The following RTKN2 variants were observed in gnomAD, a reference collection of about 807,000 sequenced individuals.
RTKN2 encodes rhotekin-2.
A neutral mutation model predicts 71.5 loss-of-function variants in RTKN2; 69 were observed. The observed-to-expected ratio is 0.96, with a 90% confidence interval of 0.79 to 1.18. The LOEUF (loss-of-function observed/expected upper bound fraction) is 1.18. Among genes scored for constraint, RTKN2 ranks in the 50% most tolerant of loss-of-function variants. The pLI, the probability that RTKN2 is intolerant of heterozygous loss-of-function variation, is 0.00. For synonymous variants in RTKN2, 236 were observed against 236.5 expected, an observed-to-expected ratio of 1.00 and a Z score of 0.02; for missense variants, 724 against 719.7, an observed-to-expected ratio of 1.01 and a Z score of -0.07.
intron 7 of RTKN2, among the ~76,000 whole-genome samples, chr10:62,218,713 T>C (rs556278142): frequency 6.6e-6 from 1 of 152,342 alleles, no homozygotes; most frequent in African/African-American, 2.4e-5. Context: ...ATTAGAAAAG[T>C]GATCCTCTGA....
At position 62,241,158 on chromosome 10, in the gene RTKN2, G is replaced by A; in HGVS notation, c.354C>T (p.His118=). The A allele has an allele frequency of 6.4e-7, 1 of 1,552,544 alleles. No homozygotes were observed. The change falls in exon 4 of 12, where the codon CAC becomes CAT. Residue 118 remains histidine (H), a synonymous_variant. Coordinates refer to ENST00000373789, the MANE Select transcript of RTKN2 (RefSeq NM_145307.4). ...RIPLMWKDSD[H]FSNKERSRRY... is the part of the protein sequence containing the mutation. The stretch of plus-strand genomic sequence containing the variant: ...CATACATACGTTCTTTATTGCTGAA[G>A]TGATCAGAGTCTTTCCACATTAGTG...
rs1211666876 is a variant in RTKN2 at position 62,197,618 on chromosome 10, T to C, written c.*290A>G. On this transcript the variant is annotated 3_prime_UTR_variant, in exon 12 of 12. Transcript: ENST00000373789. Reference sequence around the variant, plus strand: ...TTAATGCTTTATTCTGCCTAGGGCTTATTCACTGCCTGGTACTAATTCAGG... The same window carrying C: ...TTAATGCTTTATTCTGCCTAGGGCTCATTCACTGCCTGGTACTAATTCAGG... 7.7e-6 allele frequency: 9 copies of C among 1,169,788 alleles called. No homozygotes were observed. The highest frequency in any genetic ancestry group is 9.5e-6 in the Non-Finnish European group (9 of 947,162). 72.5% of individuals were successfully genotyped at this position (1,169,788 alleles called of 1,614,324 possible). A position where few individuals can be genotyped will look rare whatever the true frequency, so the allele number is the denominator to read the frequency against.
At position 62,246,557 on chromosome 10, in the gene RTKN2, T is replaced by C. The variant is rs1842482146; in HGVS notation, c.258-500A>G. Among the ~76,000 whole-genome samples the C allele has an allele frequency of 2.0e-5, 3 of 152,028 alleles. No individual in the cohort carries two copies. The South Asian group carries it at 6.2e-4, about 31-fold the overall frequency. ...CTCTGCTGTATAATCATATTTAATA[T>C]CATATTTAATTTCCCCAAGATTCCA... On this transcript the variant is annotated intron_variant, in intron 2 of 11. Coordinates refer to ENST00000373789, the MANE Select transcript of RTKN2 (RefSeq NM_145307.4).
chr10:62,184,148 T>C (rs1182960180), exon 9 of RTKN2: 1 of 501,914 alleles, frequency 2.0e-6, no homozygotes, highest in Admixed American at 4.0e-5. Flanking sequence ...GTTTACTCAA[T>C]GACTCTTAAA....
chr10:62,213,881 A>G (rs181279591), intron 9 of RTKN2, among the ~76,000 whole-genome samples: 1 of 152,214 alleles, frequency 6.6e-6, no homozygotes, highest in Admixed American at 6.5e-5. Flanking sequence ...TTTAAAAGGA[A>G]AAATAATTAT....
Position 62,195,648 on chromosome 10 carries a change from A to ACC in RTKN2, c.*2259_*2260insGG. On this transcript the variant is annotated 3_prime_UTR_variant, in exon 12 of 12. Coordinates refer to ENST00000373789, the MANE Select transcript of RTKN2 (RefSeq NM_145307.4). ...GAAGGAAGGAAGGAAGGAAGGAAGG[A>ACC]AGGAAGGAAGGAAGGAAGGAAGGAA... 2.1e-4 allele frequency: 148 copies of ACC among 717,518 alleles called. No homozygotes were observed. The highest frequency in any genetic ancestry group is 9.0e-4 in the South Asian group (11 of 12,280). 44.4% of individuals were successfully genotyped at this position (717,518 alleles called of 1,614,324 possible). A position where few individuals can be genotyped will look rare whatever the true frequency, so the allele number is the denominator to read the frequency against.
At chr10:62,190,358 T>G (rs1278031371), downstream of RTKN2, among the ~76,000 whole-genome samples, 1 of 152,206 alleles carries the variant, frequency 6.6e-6, no homozygotes, top group Non-Finnish European at 1.5e-5. Flanking sequence ...ACTGGGAGAC[T>G]GTGAGCAAGT....
chr10:62,242,816 G>T (rs1226414982), intron 3 of RTKN2, among the ~76,000 whole-genome samples: 1 of 151,790 alleles, frequency 6.6e-6, no homozygotes, highest in East Asian at 1.9e-4. Context: ...TTTCAGTAGA[G>T]ACAAGGGGTT....
intron 9 of RTKN2, 55 bp downstream of exon 9, chr10:62,217,063 C>A: frequency 7.2e-7 from 1 of 1,383,476 alleles, no homozygotes; most frequent in Non-Finnish European, 9.6e-7. Context: ...ACTGCACAGA[C>A]AAAAACAAAC....
chr10:62,259,010 T>C (rs767298392), intron 2 of RTKN2, among the ~76,000 whole-genome samples: 10 of 152,168 alleles, frequency 6.6e-5, no homozygotes, highest in Non-Finnish European at 1.2e-4. Context: ...AATCTCATCT[T>C]GAATTGCAGC....
At chr10:62,218,370 T>A in intron 7 of RTKN2, 69 bp from the exon 8 acceptor site, 1 of 1,051,534 alleles carries the variant, frequency 9.5e-7, no homozygotes, top group East Asian at 2.6e-5. Flanking sequence ...CATCATACAT[T>A]TTGATTTTTC....
chr10:62,196,586 G>A lies in RTKN2; in HGVS notation c.*1322C>T. The A allele has an allele frequency of 2.0e-6, 2 of 985,146 alleles. No homozygotes were observed. 61.0% of individuals were successfully genotyped at this position (985,146 alleles called of 1,614,324 possible). A position where few individuals can be genotyped will look rare whatever the true frequency, so the allele number is the denominator to read the frequency against. On this transcript the variant is annotated 3_prime_UTR_variant, in exon 12 of 12. Coordinates refer to ENST00000373789, the MANE Select transcript of RTKN2 (RefSeq NM_145307.4). ...TTTTGTTTTGTAATAATGTAGTTCT[G>A]ATCCAAATAGAGTTCTTGCTAGCTT...
At chr10:62,233,578 A>G (rs1037360016) in intron 6 of RTKN2, among the ~76,000 whole-genome samples, 9 of 152,184 alleles carry the variant, frequency 5.9e-5, no homozygotes, top group African/African-American at 2.2e-4. Context: ...ACAGCATTAA[A>G]AAAAACTGAA....
At chr10:62,213,103 G>A (rs1841695669) in intron 9 of RTKN2, among the ~76,000 whole-genome samples, 1 of 152,146 alleles carries the variant, frequency 6.6e-6, no homozygotes, top group African/African-American at 2.4e-5. Context: ...CAAAAGGAAG[G>A]ACATATGTAG....
intron 6 of RTKN2, among the ~76,000 whole-genome samples, chr10:62,231,494 C>T (rs1166790133): frequency 1.3e-5 from 2 of 152,152 alleles, no homozygotes; most frequent in Admixed American, 1.3e-4. Context: ...AACTACAATG[C>T]CAGTGCTTCC....
At position 62,199,788 on chromosome 10, in the gene RTKN2, C is replaced by A. The variant is rs2132802620; in HGVS notation, c.1260G>T (p.Leu420Phe). ...IMSPRKPPLF[L>F]TKEATSVYHD... Reference sequence around the variant, plus strand: ...GGTAGACTGAGGTTGCCTCTTTTGTCAAGAACAAAGGTGGTTTCCGTGGTG... The same window carrying A: ...GGTAGACTGAGGTTGCCTCTTTTGTAAAGAACAAAGGTGGTTTCCGTGGTG... Residue 420 changes from leucine (L) to phenylalanine (F), a missense_variant, in exon 11 of 12, where the codon TTG becomes TTT. By Grantham distance (22) the Leu-to-Phe change is conservative. Coordinates refer to ENST00000373789, the MANE Select transcript of RTKN2 (RefSeq NM_145307.4). 1.2e-6 allele frequency: 2 copies of A among 1,613,474 alleles called. No homozygotes were observed. The highest frequency in any genetic ancestry group is 1.1e-5 in the South Asian group (1 of 91,040).
In RTKN2 at chr10:62,193,995, C is replaced by T. The variant is rs1485387761; in HGVS notation, c.*3913G>A. The T allele has an allele frequency of 5.1e-6, 5 of 984,924 alleles. No homozygotes were observed. The highest frequency in any genetic ancestry group is 3.5e-5 in the African/African-American group (2 of 57,174). 61.0% of individuals were successfully genotyped at this position (984,924 alleles called of 1,614,324 possible). On this transcript the variant is annotated 3_prime_UTR_variant, in exon 12 of 12. Coordinates refer to ENST00000373789, the MANE Select transcript of RTKN2 (RefSeq NM_145307.4). ...CACTTAAAGAGAAAAAGTTAGAAAA[C>T]GTCTTCATGAATCAGTTCTTTTAAT...
chr10:62,210,489 T>C (rs1294834158), intron 9 of RTKN2, among the ~76,000 whole-genome samples: 2 of 152,184 alleles, frequency 1.3e-5, no homozygotes, highest in African/African-American at 4.8e-5. Context: ...CAGTCTATTA[T>C]TAATGCCTCT....
chr10:62,198,399 G>A lies in RTKN2; in HGVS notation c.1339C>T (p.Gln447Ter), dbSNP rs982745684. 3.8e-6 allele frequency: 6 copies of A among 1,574,362 alleles called. No individual in the cohort carries two copies. Among genetic ancestry groups the A allele is most frequent in the Non-Finnish European group, 1.7e-6 (2 of 1,162,570 alleles). The change falls in exon 12 of 12, where the codon CAA becomes TAA. Residue 447 changes from glutamine to a stop codon, truncating the protein, a stop_gained. Coordinates refer to ENST00000373789, the MANE Select transcript of RTKN2 (RefSeq NM_145307.4). LOFTEE classifies it high-confidence loss of function. ...CCATTTGTCTCTTCAATTTTTTTTT[G>A]TATTATATCCGTTAAACTTTCAAGT... ...MKLESLTDII[Q>*]KKIEETNGQF...
Sources: gnomAD v4.1 joint callset for allele counts (sites outside exome capture counted in the v4.1 genomes callset) on GRCh38, gnomAD v4.1.1 for gene constraint, MANE v1.5 for transcripts, NCBI Gene and HGNC (gene_info 2026-07-23, HGNC 2026-07-21) for gene names.